KCNQ1OT1: variants seen among roughly 807,000 people sequenced by gnomAD.
KCNQ1OT1 encodes KCNQ1 opposite strand/antisense transcript 1.
chr11:2,668,235 G>A lies in KCNQ1OT1; in HGVS notation n.31760C>T, dbSNP rs1341130865. 5.0e-6 allele frequency: 2 copies of A among 398,518 alleles called. No individual in the cohort carries two copies. The highest frequency in any genetic ancestry group is 7.1e-5 in the East Asian group (2 of 28,090). 24.7% of individuals were successfully genotyped at this position (398,518 alleles called of 1,614,324 possible). On this transcript the variant is annotated non_coding_transcript_exon_variant, in exon 1 of 1. Coordinates refer to ENST00000597346, the Ensembl canonical transcript of KCNQ1OT1. The surrounding 1 kb of genome is among the most constrained non-coding windows in gnomAD (Gnocchi z 4.3). Reference sequence around the variant, plus strand: ...TCCATTCTACCACCTGTGGCCAGCAGGCAGTTTCTGGTGTAGGTTGCTGTT... The same window carrying A: ...TCCATTCTACCACCTGTGGCCAGCAAGCAGTTTCTGGTGTAGGTTGCTGTT...
Position 2,687,597 on chromosome 11 carries a change from GA to G in KCNQ1OT1, n.12397del, listed in dbSNP as rs2133887997. 2.5e-6 allele frequency: 1 copy of G among 398,726 alleles called. No individual in the cohort carries two copies. The allele number at this position is 398,726 out of a possible 1,614,324, so 24.7% of individuals were successfully genotyped here. A position where few individuals can be genotyped will look rare whatever the true frequency, so the allele number is the denominator to read the frequency against. On this transcript the variant is annotated non_coding_transcript_exon_variant, in exon 1 of 1. Coordinates refer to ENST00000597346, the Ensembl canonical transcript of KCNQ1OT1. This position sits in a 1 kb window ranked among gnomAD's most constrained non-coding sequence, Gnocchi z 5.0. ...TGTCAAGGAGGTGTGACTGAGAAAG[GA>G]AGGGGCAGAGATCCCTTCTCCATTC...
At chr11:2,684,931 C>T (rs975247200) in exon 1 of KCNQ1OT1, 2 of 398,562 alleles carry the variant, frequency 5.0e-6, no homozygotes, top group Non-Finnish European at 8.8e-6. Flanking sequence ...CTGATCCATG[C>T]AGCATGTTAT....
At position 2,608,457 on chromosome 11, in the gene KCNQ1OT1, A is replaced by G. The variant is rs1008177370; in HGVS notation, n.91538T>C. 1 of 398,346 alleles carries G rather than the reference A, an allele frequency of 2.5e-6. No homozygotes were observed. Among genetic ancestry groups the G allele is most frequent in the African/African-American group, 2.1e-5 (1 of 48,578 alleles). The allele number at this position is 398,346 out of a possible 1,614,324, so 24.7% of individuals were successfully genotyped here. A position where few individuals can be genotyped will look rare whatever the true frequency, so the allele number is the denominator to read the frequency against. On this transcript the variant is annotated non_coding_transcript_exon_variant, in exon 1 of 1. Coordinates refer to ENST00000597346, the Ensembl canonical transcript of KCNQ1OT1. This position sits in a 1 kb window ranked among gnomAD's most constrained non-coding sequence, Gnocchi z 4.6. ...TTTATTTCTGTCAGGTTGGTAGTAT[A>G]CTTCCCTCATTCATTCCTTTTTCCT... is the stretch of plus-strand genomic sequence containing the variant.
exon 1 of KCNQ1OT1, chr11:2,699,597 CGG>C: frequency 2.9e-6 from 1 of 346,334 alleles, no homozygotes; most frequent in Non-Finnish European, 5.1e-6. Context: ...AACAGAACCG[CGG>C]CGAGAGGCCC....
At chr11:2,686,975 G>C in exon 1 of KCNQ1OT1, 1 of 398,662 alleles carries the variant, frequency 2.5e-6, no homozygotes, top group African/African-American at 2.1e-5. Flanking sequence ...GCAGAGGCAA[G>C]GACAACACTG....
At chr11:2,632,020 A>G in exon 1 of KCNQ1OT1, 1 of 396,094 alleles carries the variant, frequency 2.5e-6, no homozygotes, top group Non-Finnish European at 4.4e-6. Flanking sequence ...ATCTCTACTA[A>G]AAATACAAAA....
In KCNQ1OT1 at chr11:2,671,877, G is replaced by C. The variant is rs1850189191; in HGVS notation, n.28118C>G. The stretch of plus-strand genomic sequence containing the variant: ...CCAGGGAGCCAAGCCCTGGAGAGGA[G>C]GTGGGCAGCACCAGGCAGCCAGCCT... On this transcript the variant is annotated non_coding_transcript_exon_variant, in exon 1 of 1. Coordinates refer to ENST00000597346, the Ensembl canonical transcript of KCNQ1OT1. The surrounding 1 kb of genome is among the most constrained non-coding windows in gnomAD (Gnocchi z 4.7). The C allele has an allele frequency of 5.0e-6, 2 of 398,698 alleles. No homozygotes were observed. The allele number at this position is 398,698 out of a possible 1,614,324, so 24.7% of individuals were successfully genotyped here.
exon 1 of KCNQ1OT1, chr11:2,640,956 T>A: frequency 2.5e-6 from 1 of 398,890 alleles, no homozygotes; most frequent in Non-Finnish European, 4.4e-6. Context: ...CTTAAAATAA[T>A]GACCTCCAGC....
rs1388836605 is a variant in KCNQ1OT1 at position 2,652,967 on chromosome 11, T to C, written n.47028A>G. 5.0e-5 allele frequency: 20 copies of C among 398,544 alleles called. No individual in the cohort carries two copies. The highest frequency in any genetic ancestry group is 8.0e-5 in the Non-Finnish European group (18 of 226,082). The allele number at this position is 398,544 out of a possible 1,614,324, so 24.7% of individuals were successfully genotyped here. ...CTGGGACTTCTCAGGATTCCGGAAG[T>C]CATCTTTGACTGTGTCACATCACTG... On this transcript the variant is annotated non_coding_transcript_exon_variant, in exon 1 of 1. Coordinates refer to ENST00000597346, the Ensembl canonical transcript of KCNQ1OT1. The surrounding 1 kb of genome is among the most constrained non-coding windows in gnomAD (Gnocchi z 5.9).
chr11:2,686,971 G>A (rs1850500474), exon 1 of KCNQ1OT1: 1 of 398,530 alleles, frequency 2.5e-6, no homozygotes, highest in Non-Finnish European at 4.4e-6. Flanking sequence ...TGATGCAGAG[G>A]CAAGGACAAC....
chr11:2,658,479 A>T lies in KCNQ1OT1; in HGVS notation n.41516T>A. On this transcript the variant is annotated non_coding_transcript_exon_variant, in exon 1 of 1. Transcript: ENST00000597346. This position sits in a 1 kb window ranked among gnomAD's most constrained non-coding sequence, Gnocchi z 4.9. ...TGATGTGCCCCCCGCCATCCTTTTC[A>T]TTTATTTTTAAGCATTTCTTTTCTA... 2.5e-6 allele frequency: 1 copy of T among 398,344 alleles called. No homozygotes were observed. 24.7% of individuals were successfully genotyped at this position (398,344 alleles called of 1,614,324 possible). A position where few individuals can be genotyped will look rare whatever the true frequency, so the allele number is the denominator to read the frequency against.
In KCNQ1OT1 at chr11:2,659,650, T is replaced by G; in HGVS notation, n.40345A>C. 1 of 398,550 alleles carries G rather than the reference T, an allele frequency of 2.5e-6. No homozygotes were observed. Among genetic ancestry groups the G allele is most frequent in the Non-Finnish European group, 4.4e-6 (1 of 226,018 alleles). 24.7% of individuals were successfully genotyped at this position (398,550 alleles called of 1,614,324 possible). A position where few individuals can be genotyped will look rare whatever the true frequency, so the allele number is the denominator to read the frequency against. On this transcript the variant is annotated non_coding_transcript_exon_variant, in exon 1 of 1. Transcript: ENST00000597346. This position sits in a 1 kb window ranked among gnomAD's most constrained non-coding sequence, Gnocchi z 4.3. ...GATAGGTCATGTGGTATGTGTATGT[T>G]TAACTTAATAAGAAATTGCTAAACT...
chr11:2,699,143 A>G (rs1850727383), exon 1 of KCNQ1OT1: 3 of 398,588 alleles, frequency 7.5e-6, no homozygotes, highest in African/African-American at 6.2e-5. Context: ...TCCAATCCCA[A>G]TTCAGCCCAC....
rs534893129 is a variant in KCNQ1OT1, at chr11:2,612,606, T to A, written n.87389A>T. 8.3e-5 allele frequency: 33 copies of A among 398,622 alleles called. No individual in the cohort carries two copies. Among genetic ancestry groups the A allele is most frequent in the African/African-American group, 6.4e-4 (31 of 48,772 alleles). The allele number at this position is 398,622 out of a possible 1,614,324, so 24.7% of individuals were successfully genotyped here. ...CTATTTGGTTTCTAATTTCTATCTC[T>A]ATATTGATATTATCTATTTGATGAG... On this transcript the variant is annotated non_coding_transcript_exon_variant, in exon 1 of 1. Coordinates refer to ENST00000597346, the Ensembl canonical transcript of KCNQ1OT1. The surrounding 1 kb of genome is among the most constrained non-coding windows in gnomAD (Gnocchi z 5.5).
Position 2,611,174 on chromosome 11 carries a change from C to G in KCNQ1OT1, n.88821G>C, listed in dbSNP as rs1848974597. ...CATTGTAAAATGCTTCTCAGTATCTCTAATAACATGGTTTGTTTTTAAAGT... is the reference window on the plus strand; with the variant it reads ...CATTGTAAAATGCTTCTCAGTATCTGTAATAACATGGTTTGTTTTTAAAGT... On this transcript the variant is annotated non_coding_transcript_exon_variant, in exon 1 of 1. Transcript: ENST00000597346. The surrounding 1 kb of genome is among the most constrained non-coding windows in gnomAD (Gnocchi z 5.3). The G allele has an allele frequency of 2.5e-6, 1 of 398,318 alleles. No individual in the cohort carries two copies. The highest frequency in any genetic ancestry group is 2.1e-5 in the African/African-American group (1 of 48,590). The allele number at this position is 398,318 out of a possible 1,614,324, so 24.7% of individuals were successfully genotyped here.
chr11:2,640,730 A>G (rs1365835555), exon 1 of KCNQ1OT1: 1 of 398,500 alleles, frequency 2.5e-6, no homozygotes, highest in Non-Finnish European at 4.4e-6. Context: ...TATACATTAT[A>G]TTGTTAAATA....
chr11:2,688,413 A>G, exon 1 of KCNQ1OT1: 1 of 398,746 alleles, frequency 2.5e-6, no homozygotes, highest in Non-Finnish European at 4.4e-6. Context: ...TCCTCTGTGT[A>G]GGCACTGGGC....
chr11:2,608,631 T>C lies in KCNQ1OT1; in HGVS notation n.91364A>G. 2.5e-6 allele frequency: 1 copy of C among 398,510 alleles called. No homozygotes were observed. The highest frequency in any genetic ancestry group is 4.4e-5 in the Admixed American group (1 of 22,728). 24.7% of individuals were successfully genotyped at this position (398,510 alleles called of 1,614,324 possible). A position where few individuals can be genotyped will look rare whatever the true frequency, so the allele number is the denominator to read the frequency against. Reference sequence around the variant, plus strand: ...TGTGCACCACAACACCAGCTGTTATTCAAAAAATATTTTGTAGAGATAGGG... The same window carrying C: ...TGTGCACCACAACACCAGCTGTTATCCAAAAAATATTTTGTAGAGATAGGG... On this transcript the variant is annotated non_coding_transcript_exon_variant, in exon 1 of 1. Coordinates refer to ENST00000597346, the Ensembl canonical transcript of KCNQ1OT1. The surrounding 1 kb of genome is among the most constrained non-coding windows in gnomAD (Gnocchi z 4.6).
At chr11:2,662,406 A>G (rs1223755977) in exon 1 of KCNQ1OT1, 3 of 491,670 alleles carry the variant, frequency 6.1e-6, no homozygotes, top group Non-Finnish European at 1.1e-5. Flanking sequence ...CAAAAAAGAG[A>G]CGACTTTGTT....
Sources: allele counts gnomAD v4.1 joint callset, GRCh38; gene constraint gnomAD v4.1.1; non-coding constraint Gnocchi (gnomAD v3.1); transcripts MANE v1.5; gene names NCBI Gene and HGNC (gene_info 2026-07-23, HGNC 2026-07-21).